Variants in WDR27 observed in about 807,000 individuals in gnomAD.
WDR27 encodes the protein WD repeat domain 27.
WDR27 carries 100 observed loss-of-function variants against 114.4 expected under a neutral mutation model. The observed-to-expected ratio is 0.87, with a 90% CI of 0.74 to 1.03. WDR27 has a LOEUF of 1.03. WDR27 is among the 50% of genes least tolerant of loss of function. The probability of loss-of-function intolerance (pLI) is 0.00; values close to 1 mark genes in which losing one functional copy is unlikely to be tolerated. For synonymous variants in WDR27, 449 were observed against 423.1 expected (o/e 1.06, Z -0.75); for missense variants, 1,129 against 1,092.9 (o/e 1.03, Z -0.47).
intron 25 of WDR27, among the ~76,000 whole-genome samples, chr6:169,531,985 T>A (rs796215245): frequency 9.2e-5 from 14 of 152,354 alleles, no homozygotes; most frequent in African/African-American, 3.4e-4. Flanking sequence ...AAGGCAGATC[T>A]TGAAGGTTCT....
At chr6:169,640,596 T>C (rs1314463928) in intron 17 of WDR27, among the ~76,000 whole-genome samples, 1 of 152,244 alleles carries the variant, frequency 6.6e-6, no homozygotes, top group African/African-American at 2.4e-5. Flanking sequence ...CCCATGCCGC[T>C]TGTACCGAAC....
Position 169,638,179 on chromosome 6 carries a change from G to A in WDR27, c.1869+360C>T, listed in dbSNP as rs576120433. ...AAAATACAAAAAATTAGCCGGGCGC[G>A]GTGGCGGGCGCCTGTAGTCCCAGCT... On this transcript the variant is annotated intron_variant, in intron 18 of 25. Transcript: ENST00000448612. Among the ~76,000 whole-genome samples, 26 of 121,522 alleles carry A rather than the reference G, an allele frequency of 2.1e-4. 5 individuals are homozygous for A. In the East Asian group the frequency reaches 3.8e-3, roughly 18 times the overall value. 79.7% of individuals were successfully genotyped at this position (121,522 alleles called of 152,430 possible).
At chr6:169,617,669 C>T (rs1812183298) in intron 21 of WDR27, among the ~76,000 whole-genome samples, 1 of 152,194 alleles carries the variant, frequency 6.6e-6, no homozygotes, top group South Asian at 2.1e-4. Context: ...AGCCACTGTG[C>T]CCAGCCGCCC....
At chr6:169,666,762 T>G in intron 6 of WDR27, 1 of 998,124 alleles carries the variant, frequency 1.0e-6, no homozygotes, top group Non-Finnish European at 1.2e-6. Flanking sequence ...ACGCCCAAGC[T>G]CACGCTGGAT....
intron 21 of WDR27, 83 bp from the exon 22 acceptor site, chr6:169,613,739 G>T: frequency 8.3e-7 from 1 of 1,204,862 alleles, no homozygotes; most frequent in Non-Finnish European, 1.2e-6. Context: ...CATAATAGCT[G>T]ATTCTCAAGT....
At chr6:169,460,513 G>C (rs564588065) in intron 25 of WDR27, among the ~76,000 whole-genome samples, 2 of 152,256 alleles carry the variant, frequency 1.3e-5, no homozygotes, top group Admixed American at 6.5e-5. Context: ...AGGCAGTAAT[G>C]CAGAAAATAA....
chr6:169,673,416 C>T (rs35881063), intron 2 of WDR27, among the ~76,000 whole-genome samples: 8,225 of 151,464 alleles, frequency 0.054, 321 homozygotes, highest in South Asian at 0.11. Flanking sequence ...TATATATATA[C>T]ACACACACAC....
intron 21 of WDR27, among the ~76,000 whole-genome samples, chr6:169,623,537 G>A (rs1813868112): frequency 3.3e-5 from 5 of 152,126 alleles, no homozygotes; most frequent in Admixed American, 3.3e-4. Context: ...CACTCACCGG[G>A]CCCGCAGGCT....
chr6:169,476,335 C>T (rs1453848786), intron 25 of WDR27, among the ~76,000 whole-genome samples: 1 of 152,204 alleles, frequency 6.6e-6, no homozygotes, highest in Non-Finnish European at 1.5e-5. Context: ...TCGATTGTGT[C>T]TTGAGTTAAA....
At chr6:169,503,652 A>G (rs1562503693) in intron 25 of WDR27, among the ~76,000 whole-genome samples, 1 of 152,184 alleles carries the variant, frequency 6.6e-6, no homozygotes, top group Non-Finnish European at 1.5e-5. Flanking sequence ...ATGTTTTGGG[A>G]ACTTTTCAGT....
At chr6:169,625,483 C>G (rs1423787162) in intron 21 of WDR27, among the ~76,000 whole-genome samples, 1 of 152,218 alleles carries the variant, frequency 6.6e-6, no homozygotes, top group Admixed American at 6.5e-5. Context: ...GTGACCCGGG[C>G]CACAGAGCAA....
chr6:169,646,252 G>C (rs778412342), intron 16 of WDR27, among the ~76,000 whole-genome samples: 8 of 152,178 alleles, frequency 5.3e-5, no homozygotes, highest in Non-Finnish European at 1.2e-4. Flanking sequence ...GGAACAGCAG[G>C]ATGAGCAGCA....
chr6:169,633,003 C>T lies in WDR27; in HGVS notation c.2167G>A (p.Ala723Thr), dbSNP rs1421969210. The change falls in exon 21 of 26, where the codon GCA (alanine) becomes ACA (threonine). Residue 723 changes from alanine to threonine, a missense_variant. Ala to Thr is a moderately conservative substitution (Grantham distance 58). Coordinates refer to ENST00000448612, the MANE Select transcript of WDR27 (RefSeq NM_182552.5). Reference sequence around the variant, plus strand: ...GAGTGGGCTTCCGCTATCACCGCTGCACTGCAGCCGGCGTTGAGGTCAAAC... The same window carrying T: ...GAGTGGGCTTCCGCTATCACCGCTGTACTGCAGCCGGCGTTGAGGTCAAAC... ...EVFDLNAGCS[A>T]AVIAEAHSRP... 1.3e-6 allele frequency: 2 copies of T among 1,599,576 alleles called. No individual in the cohort carries two copies. Among genetic ancestry groups the T allele is most frequent in the Non-Finnish European group, 1.7e-6 (2 of 1,168,246 alleles).
intron 19 of WDR27, among the ~76,000 whole-genome samples, chr6:169,635,654 G>T (rs139322766): frequency 6.6e-6 from 1 of 152,210 alleles, no homozygotes; most frequent in Admixed American, 6.5e-5. Context: ...GTCCCAACCC[G>T]ATGTCCCTCC....
chr6:169,590,077 C>A (rs538948248), intron 23 of WDR27, among the ~76,000 whole-genome samples: 1 of 149,210 alleles, frequency 6.7e-6, no homozygotes, highest in Non-Finnish European at 1.5e-5. Context: ...ACTGAATGTA[C>A]TACTGAAGAA....
At chr6:169,458,709 C>T (rs1314137699) in intron 25 of WDR27, among the ~76,000 whole-genome samples, 1 of 151,632 alleles carries the variant, frequency 6.6e-6, no homozygotes, top group Non-Finnish European at 1.5e-5. Flanking sequence ...CTTTCTTGAA[C>T]CCAGGAGGGG....
chr6:169,680,399 G>A (rs1020831817), intron 2 of WDR27, among the ~76,000 whole-genome samples: 4 of 152,124 alleles, frequency 2.6e-5, no homozygotes, highest in South Asian at 2.1e-4. Flanking sequence ...TGGCTAACAC[G>A]GTGAAACCCT....
At chr6:169,454,745 C>T (rs1784282604), downstream of WDR27, among the ~76,000 whole-genome samples, 1 of 152,232 alleles carries the variant, frequency 6.6e-6, no homozygotes, top group Non-Finnish European at 1.5e-5. Flanking sequence ...TATGAATCAT[C>T]TTATCACGCA....
At position 169,589,933 on chromosome 6, in the gene WDR27, CG is replaced by C. The variant is rs577923924; in HGVS notation, c.2425-7000del. Reference sequence around the variant, plus strand: ...AACAGAGTTGGAAATAAAACCTATGCGGGTAAATCTTATGCCAGAACCAAAT... The same window carrying C: ...AACAGAGTTGGAAATAAAACCTATGCGGTAAATCTTATGCCAGAACCAAAT... On this transcript the variant is annotated intron_variant, in intron 23 of 25. Coordinates refer to ENST00000448612, the MANE Select transcript of WDR27 (RefSeq NM_182552.5). Among the ~76,000 whole-genome samples, 54 of 14,054 alleles carry C rather than the reference CG, an allele frequency of 3.8e-3. No individual in the cohort carries two copies. In the South Asian group the frequency reaches 0.11, roughly 29 times the overall value. The allele number at this position is 14,054 out of a possible 152,430, so 9.2% of individuals were successfully genotyped here. A position where few individuals can be genotyped will look rare whatever the true frequency, so the allele number is the denominator to read the frequency against.
Sources: allele counts gnomAD v4.1 joint callset (sites outside exome capture counted in the v4.1 genomes callset), GRCh38; gene constraint gnomAD v4.1.1; transcripts MANE v1.5; gene names NCBI Gene and HGNC (gene_info 2026-07-23, HGNC 2026-07-21).